Variants in NRG3 observed in about 807,000 individuals in gnomAD.
The protein encoded by NRG3 is neuregulin 3.
A neutral mutation model predicts 66.9 loss-of-function variants in NRG3; 31 were observed. That is an observed-to-expected ratio of 0.46 (90% CI 0.35 to 0.63). The LOEUF (loss-of-function observed/expected upper bound fraction) is 0.63, where lower values mean the gene tolerates loss of function less well. Among genes scored for constraint, NRG3 ranks in the 20% least tolerant of loss-of-function variants. The pLI is 0.00. For synonymous variants in NRG3, 393 were observed against 359.4 expected (o/e 1.09, Z -1.06); for missense variants, 910 against 878.9 (o/e 1.04, Z -0.45).
intron 1 of NRG3, among the ~76,000 whole-genome samples, chr10:82,305,300 C>T (rs1280041697): frequency 6.6e-6 from 1 of 152,014 alleles, no homozygotes; most frequent in East Asian, 1.9e-4. Context: ...CGGCCCAAGT[C>T]ATCAGATTCT....
chr10:82,543,283 T>C (rs1164890372), intron 2 of NRG3, among the ~76,000 whole-genome samples: 1 of 152,170 alleles, frequency 6.6e-6, no homozygotes, highest in African/African-American at 2.4e-5. Flanking sequence ...ATATTCATAT[T>C]AATGCCCTAA....
Position 82,115,979 on chromosome 10 carries a change from C to G in NRG3, c.823+239816C>G, listed in dbSNP as rs188815595. Among the ~76,000 whole-genome samples the G allele has an allele frequency of 2.6e-5, 4 of 152,248 alleles. No homozygotes were observed. In the East Asian group the frequency reaches 7.7e-4, roughly 29 times the overall value. On this transcript the variant is annotated intron_variant, in intron 1 of 8. Coordinates refer to ENST00000372141, the MANE Select transcript of NRG3 (RefSeq NM_001010848.4). ...CCACAACTTTGACTCCTAAGAAGCT[C>G]TGACTTTTTGACTAAAGTCAATGGG...
chr10:82,691,334 G>C (rs2054910242), intron 2 of NRG3, among the ~76,000 whole-genome samples: 1 of 152,148 alleles, frequency 6.6e-6, no homozygotes, highest in Non-Finnish European at 1.5e-5. Context: ...CCTCACTGCT[G>C]TTCAAATACT....
chr10:81,926,056 T>G (rs1305856771), intron 1 of NRG3, among the ~76,000 whole-genome samples: 1 of 152,212 alleles, frequency 6.6e-6, no homozygotes, highest in Non-Finnish European at 1.5e-5. Flanking sequence ...AATTTTCCTC[T>G]ATCTTATGAA....
chr10:82,148,694 A>G (rs557266462), intron 1 of NRG3, among the ~76,000 whole-genome samples: 2 of 152,262 alleles, frequency 1.3e-5, no homozygotes, highest in South Asian at 2.1e-4. Flanking sequence ...CCTGGGTCGT[A>G]TTGATGATAC....
intron 1 of NRG3, among the ~76,000 whole-genome samples, chr10:82,281,196 C>G (rs963270424): frequency 6.6e-6 from 1 of 151,938 alleles, no homozygotes; most frequent in African/African-American, 2.4e-5. Context: ...CTTGCATTGC[C>G]GTAGTGTAGG....
chr10:82,781,826 G>A (rs138955643), intron 3 of NRG3, among the ~76,000 whole-genome samples: 48 of 151,982 alleles, frequency 3.2e-4, no homozygotes, highest in African/African-American at 8.0e-4. Context: ...CACATGGGCC[G>A]TAAGGAAGTA....
intron 3 of NRG3, among the ~76,000 whole-genome samples, chr10:82,801,262 A>T (rs1247273862): frequency 6.6e-6 from 1 of 152,174 alleles, no homozygotes; most frequent in Non-Finnish European, 1.5e-5. Context: ...AGGAATCTGG[A>T]GAGATTTATC....
At chr10:82,435,421 G>T (rs1484153462) in intron 2 of NRG3, among the ~76,000 whole-genome samples, 1 of 151,706 alleles carries the variant, frequency 6.6e-6, no homozygotes, top group Non-Finnish European at 1.5e-5. Flanking sequence ...TGATTTTTTG[G>T]AGGGCTTTTT....
chr10:81,909,855 G>A (rs761475988), intron 1 of NRG3, among the ~76,000 whole-genome samples: 4 of 152,138 alleles, frequency 2.6e-5, no homozygotes, highest in Non-Finnish European at 5.9e-5. Flanking sequence ...GGAAATATGC[G>A]TGATGCTTTT....
intron 1 of NRG3, among the ~76,000 whole-genome samples, chr10:82,216,739 A>T (rs1047394952): frequency 5.3e-5 from 8 of 152,096 alleles, no homozygotes; most frequent in Non-Finnish European, 1.2e-4. Context: ...TAAACTGAAA[A>T]TAATCATCTC....
intron 1 of NRG3, among the ~76,000 whole-genome samples, chr10:81,931,205 CT>C (rs1462305914): frequency 6.6e-6 from 1 of 152,158 alleles, no homozygotes; most frequent in Non-Finnish European, 1.5e-5. Context: ...CTTTAACTCT[CT>C]AATTACATGT....
chr10:82,343,233 A>C (rs768756089), intron 1 of NRG3, among the ~76,000 whole-genome samples: 3 of 152,154 alleles, frequency 2.0e-5, no homozygotes, highest in Admixed American at 2.0e-4. Context: ...TCAACAAGGA[A>C]AAATCTGTGG....
chr10:82,355,604 C>CTAG (rs2083724803), intron 1 of NRG3, among the ~76,000 whole-genome samples: 1 of 144,096 alleles, frequency 6.9e-6, no homozygotes, highest in African/African-American at 2.7e-5. Flanking sequence ...ATTATTTAGT[C>CTAG]AAGAAAAATC....
intron 2 of NRG3, among the ~76,000 whole-genome samples, chr10:82,672,768 G>T (rs1331165163): frequency 6.6e-6 from 1 of 152,176 alleles, no homozygotes; most frequent in Non-Finnish European, 1.5e-5. Flanking sequence ...GTTTGTTTTT[G>T]TGATGGAGTC....
intron 3 of NRG3, among the ~76,000 whole-genome samples, chr10:82,798,036 T>C (rs2060875635): frequency 6.6e-6 from 1 of 152,184 alleles, no homozygotes; most frequent in South Asian, 2.1e-4. Flanking sequence ...TCTAGAAGTG[T>C]ATTGCTATTT....
chr10:82,416,112 T>C (rs1057140938), intron 2 of NRG3, among the ~76,000 whole-genome samples: 2 of 152,210 alleles, frequency 1.3e-5, no homozygotes, highest in Admixed American at 6.5e-5. Context: ...AGCTGTTGAA[T>C]GCAGTTAATT....
At chr10:82,967,078 T>C (rs933450578) in intron 6 of NRG3, among the ~76,000 whole-genome samples, 13 of 151,338 alleles carry the variant, frequency 8.6e-5, no homozygotes, top group African/African-American at 3.1e-4. Context: ...TAGGTGTGTA[T>C]GTTATTGTTG....
intron 7 of NRG3, among the ~76,000 whole-genome samples, chr10:82,977,305 A>G (rs556776731): frequency 6.6e-6 from 1 of 152,278 alleles, no homozygotes; most frequent in Admixed American, 6.5e-5. Flanking sequence ...GGGACACACC[A>G]TATAATGAAT....
Sources: allele counts gnomAD v4.1 joint callset (sites outside exome capture counted in the v4.1 genomes callset), GRCh38; gene constraint gnomAD v4.1.1; transcripts MANE v1.5; gene names NCBI Gene and HGNC (gene_info 2026-07-23, HGNC 2026-07-21).